KLRG2: variants seen among roughly 807,000 people sequenced by gnomAD.
KLRG2 encodes killer cell lectin-like receptor subfamily G member 2.
A neutral mutation model predicts 35.4 loss-of-function variants in KLRG2; 39 were observed. That is an observed-to-expected ratio of 1.10 (90% CI 0.85 to 1.44). KLRG2 has a LOEUF of 1.44. Among genes scored for constraint, KLRG2 ranks in the 40% most tolerant of loss-of-function variants. The pLI is 0.00. For missense variants in KLRG2, 632 were observed against 570.9 expected (o/e 1.11, Z -1.09); for synonymous variants, 283 against 265.8 (o/e 1.06, Z -0.63).
the KLRG2 span, among the ~76,000 whole-genome samples, chr7:139,431,329 T>TA: frequency 1.3e-5 from 2 of 152,214 alleles, no homozygotes; most frequent in African/African-American, 4.8e-5. Context: ...TGGCAGTAGT[T>TA]ACATGGGTGC....
intron 3 of KLRG2, among the ~76,000 whole-genome samples, chr7:139,455,852 G>A (rs996922303): frequency 1.3e-5 from 2 of 152,056 alleles, no homozygotes; most frequent in East Asian, 1.9e-4. Context: ...AAGATAACAC[G>A]GTGCTATTTG....
chr7:139,468,762 C>T (rs766803902), intron 3 of KLRG2, among the ~76,000 whole-genome samples: 4 of 152,202 alleles, frequency 2.6e-5, no homozygotes, highest in Non-Finnish European at 4.4e-5. Context: ...GGGATGAATT[C>T]TGTCACCCTA....
At chr7:139,455,446 C>T (rs965484325) in intron 3 of KLRG2, among the ~76,000 whole-genome samples, 3 of 151,798 alleles carry the variant, frequency 2.0e-5, no homozygotes, top group African/African-American at 4.8e-5. Context: ...CTCAGCCTCC[C>T]GAGTAGCTGG....
chr7:139,480,313 C>T, intron 1 of KLRG2, 66 bp from the exon 2 acceptor site: 1 of 857,998 alleles, frequency 1.2e-6, no homozygotes, highest in East Asian at 2.5e-5. Flanking sequence ...AACTCAGAAC[C>T]ACAGACACAG....
At chr7:139,433,895 C>CA in the KLRG2 span, among the ~76,000 whole-genome samples, 3 of 152,198 alleles carry the variant, frequency 2.0e-5, no homozygotes. Flanking sequence ...CTCGGCCTCC[C>CA]AAAGTGCTGG....
At chr7:139,454,703 C>A (rs2718228) in intron 3 of KLRG2, among the ~76,000 whole-genome samples, 73,001 of 150,890 alleles carry the variant, frequency 0.48, 18,610 homozygotes, top group Middle Eastern at 0.56. Context: ...GTAATCCCAG[C>A]TACTTGGGAG....
intron 3 of KLRG2, among the ~76,000 whole-genome samples, chr7:139,465,973 C>A (rs1376969947): frequency 6.6e-6 from 1 of 152,160 alleles, no homozygotes; most frequent in African/African-American, 2.4e-5. Flanking sequence ...TCCAGCCTCA[C>A]AGGCCCATTC....
At chr7:139,458,554 C>A (rs1796515459) in intron 3 of KLRG2, among the ~76,000 whole-genome samples, 1 of 152,086 alleles carries the variant, frequency 6.6e-6, no homozygotes, top group Non-Finnish European at 1.5e-5. Flanking sequence ...CCTCATTAAA[C>A]AACTCCCCAT....
At position 139,483,501 on chromosome 7, in the gene KLRG2, G is replaced by A. The variant is rs747973391; in HGVS notation, c.142C>T (p.Pro48Ser). Reference sequence around the variant, plus strand: ...TTCTCCACGGCCCCGGCCGGACTTGGGCTGCTTTCGGGACCTTCAGGTTGT... The same window carrying A: ...TTCTCCACGGCCCCGGCCGGACTTGAGCTGCTTTCGGGACCTTCAGGTTGT... ...VRQPEGPESS[P>S]SPAGAVEKAA... is the part of the protein sequence containing the mutation. Residue 48 changes from proline to serine, a missense_variant, in exon 1 of 5, where the codon CCA (proline) becomes TCA (serine). Pro to Ser is a moderately conservative substitution (Grantham distance 74). Coordinates refer to ENST00000340940, the MANE Select transcript of KLRG2 (RefSeq NM_198508.4). The A allele has an allele frequency of 3.8e-6, 6 of 1,599,028 alleles. No homozygotes were observed. The highest frequency in any genetic ancestry group is 4.2e-6 in the Non-Finnish European group (5 of 1,178,992).
intron 3 of KLRG2, among the ~76,000 whole-genome samples, chr7:139,468,540 T>TCTCC (rs1358598654): frequency 6.6e-6 from 1 of 152,106 alleles, no homozygotes; most frequent in African/African-American, 2.4e-5. Context: ...CCCACCCTTA[T>TCTCC]CTCCCTTCGC....
At chr7:139,447,977 A>C (rs954608000), downstream of KLRG2, among the ~76,000 whole-genome samples, 14 of 152,052 alleles carry the variant, frequency 9.2e-5, no homozygotes, top group African/African-American at 2.9e-4. Flanking sequence ...TCGTGGAAAA[A>C]CAATGCATAA....
chr7:139,464,882 C>T (rs1796624390), intron 3 of KLRG2, among the ~76,000 whole-genome samples: 1 of 152,252 alleles, frequency 6.6e-6, no homozygotes, highest in African/African-American at 2.4e-5. Context: ...CTTCCTCACA[C>T]CTGACACATA....
In KLRG2 at chr7:139,479,646, G is replaced by A. The variant is rs762569568; in HGVS notation, c.986C>T (p.Pro329Leu). ...AFCSAYHATL[P>L]LLSHTQDFLG... is the part of the protein sequence containing the mutation. ...TCTCACCTGGGTGTGGCTTAGCAGGGGGAGGGTAGCGTGGTAGGCTGAGCA... is the reference window on the plus strand; with the variant it reads ...TCTCACCTGGGTGTGGCTTAGCAGGAGGAGGGTAGCGTGGTAGGCTGAGCA... The change falls in exon 3 of 5, where the codon CCC becomes CTC. Residue 329 changes from proline to leucine, a missense_variant. Physicochemically the swap from Pro to Leu is moderately conservative, Grantham distance 98 (BLOSUM62 -3). Transcript: ENST00000340940. 1 of 1,613,332 alleles carries A rather than the reference G, an allele frequency of 6.2e-7. No individual in the cohort carries two copies. Among genetic ancestry groups the A allele is most frequent in the Non-Finnish European group, 8.5e-7 (1 of 1,180,000 alleles).
the KLRG2 span, among the ~76,000 whole-genome samples, chr7:139,443,810 G>T: frequency 6.6e-6 from 1 of 152,076 alleles, no homozygotes; most frequent in African/African-American, 2.4e-5. Context: ...GCCCACCACG[G>T]CCTGAGAGGG....
At chr7:139,434,678 C>T in the KLRG2 span, among the ~76,000 whole-genome samples, 1 of 152,216 alleles carries the variant, frequency 6.6e-6, no homozygotes, top group Admixed American at 6.5e-5. Context: ...GTTTGTTGAT[C>T]AGCACGCTGT....
At chr7:139,450,034 C>T (rs369808008), downstream of KLRG2, among the ~76,000 whole-genome samples, 3 of 150,918 alleles carry the variant, frequency 2.0e-5, no homozygotes, top group South Asian at 6.3e-4. Flanking sequence ...TTTCTATTAA[C>T]AATTTTTTTT....
chr7:139,433,514 C>T, the KLRG2 span, among the ~76,000 whole-genome samples: 14 of 151,900 alleles, frequency 9.2e-5, no homozygotes, highest in African/African-American at 2.4e-4. Flanking sequence ...TTAGTAGAGA[C>T]GGGGTTTCTC....
chr7:139,441,987 C>G, the KLRG2 span, among the ~76,000 whole-genome samples: 1 of 152,180 alleles, frequency 6.6e-6, no homozygotes, highest in Non-Finnish European at 1.5e-5. Flanking sequence ...TAGGAGACCT[C>G]TGAAACCCTC....
intron 3 of KLRG2, among the ~76,000 whole-genome samples, chr7:139,471,660 C>CAA (rs1312060252): frequency 2.9e-5 from 4 of 139,930 alleles, no homozygotes; most frequent in African/African-American, 1.0e-4. Context: ...GACTCGGTCT[C>CAA]AAAAAAAAAA....
Sources: gnomAD v4.1 joint callset for allele counts (sites outside exome capture counted in the v4.1 genomes callset) on GRCh38, gnomAD v4.1.1 for gene constraint, MANE v1.5 for transcripts, NCBI Gene and HGNC (gene_info 2026-07-23, HGNC 2026-07-21) for gene names.